The following FRS2 variants were observed in gnomAD, a reference collection of about 807,000 sequenced individuals.
FRS2 encodes FGFR signalling adaptor.
A neutral mutation model predicts 43.9 loss-of-function variants in FRS2; 8 were observed. That is an observed-to-expected ratio of 0.18 (90% confidence interval 0.11 to 0.33). FRS2 has a LOEUF of 0.33. FRS2 is among the 10% of genes least tolerant of loss of function. FRS2 has a pLI of 1.00. For synonymous variants in FRS2, 219 were observed against 220.3 expected, an observed-to-expected ratio of 0.99 and a Z score of 0.05; for missense variants, 534 against 627.6, an observed-to-expected ratio of 0.85 and a Z score of 1.59.
intron 3 of FRS2, among the ~76,000 whole-genome samples, chr12:69,546,926 A>G (rs1298798828): frequency 6.6e-6 from 1 of 152,222 alleles, no homozygotes; most frequent in Admixed American, 6.5e-5. Context: ...GTACACCCAT[A>G]TCTATTTGTA....
At chr12:69,495,446 T>G (rs1820560970) in intron 1 of FRS2, among the ~76,000 whole-genome samples, 1 of 152,210 alleles carries the variant, frequency 6.6e-6, no homozygotes, top group Admixed American at 6.5e-5. Flanking sequence ...CCATTGATTG[T>G]TTTCTCATGT....
chr12:69,531,397 A>G (rs1367534514), intron 2 of FRS2, among the ~76,000 whole-genome samples: 1 of 152,148 alleles, frequency 6.6e-6, no homozygotes, highest in African/African-American at 2.4e-5. Context: ...TGTAGTACAA[A>G]TTCTACCATA....
chr12:69,511,954 C>A (rs1295980508), intron 1 of FRS2, among the ~76,000 whole-genome samples: 3 of 152,208 alleles, frequency 2.0e-5, no homozygotes, highest in Non-Finnish European at 2.9e-5. Context: ...CAGTCAGTCT[C>A]AACCAGGGAT....
At chr12:69,557,625 C>CGCGT (rs1378732939) in intron 3 of FRS2, among the ~76,000 whole-genome samples, 27 of 104,566 alleles carry the variant, frequency 2.6e-4, no homozygotes, top group Middle Eastern at 4.4e-3. Flanking sequence ...TGTGTGCGCG[C>CGCGT]GCGCGCGCGC....
Position 69,488,445 on chromosome 12 carries a change from G to GT in FRS2, c.-261+17922dup, listed in dbSNP as rs35991894. Among the ~76,000 whole-genome samples the GT allele has an allele frequency of 2.6e-5, 4 of 152,204 alleles. No individual in the cohort carries two copies. In the South Asian group the frequency reaches 8.3e-4, roughly 32 times the overall value. ...AGTATTTTAAAATTAAGGTATGTGC[G>GT]TTTTTTTAAACGTAATGCTGTTGCA... On this transcript the variant is annotated intron_variant, in intron 1 of 8. Coordinates refer to ENST00000549921, the MANE Select transcript of FRS2 (RefSeq NM_001278356.2).
intron 3 of FRS2, among the ~76,000 whole-genome samples, chr12:69,552,432 A>G (rs533679844): frequency 2.5e-4 from 38 of 152,080 alleles, no homozygotes; most frequent in South Asian, 1.7e-3. Context: ...CTTTTTTGGT[A>G]GGTAGCCTCT....
At chr12:69,553,415 C>T (rs147878281) in intron 3 of FRS2, among the ~76,000 whole-genome samples, 210 of 152,252 alleles carry the variant, frequency 1.4e-3, no homozygotes, top group African/African-American at 2.9e-3. Context: ...ATGTCAGTTA[C>T]GCTGATTACA....
At chr12:69,480,125 C>T (rs533004262) in intron 1 of FRS2, among the ~76,000 whole-genome samples, 1 of 152,230 alleles carries the variant, frequency 6.6e-6, no homozygotes, top group East Asian at 1.9e-4. Context: ...TGGTTAAATA[C>T]ATATAACATA....
chr12:69,543,850 AGG>A (rs1878131252), intron 3 of FRS2, among the ~76,000 whole-genome samples: 1 of 152,186 alleles, frequency 6.6e-6, no homozygotes, highest in South Asian at 2.1e-4. Flanking sequence ...AAGAATTTTA[AGG>A]TACATGATCA....
chr12:69,542,154 A>G (rs1281739269), intron 3 of FRS2, among the ~76,000 whole-genome samples: 7 of 152,156 alleles, frequency 4.6e-5, no homozygotes, highest in African/African-American at 1.7e-4. Flanking sequence ...TTCTTTACTG[A>G]CAGACATACT....
At chr12:69,490,545 A>G (rs988906275) in intron 1 of FRS2, among the ~76,000 whole-genome samples, 1 of 148,450 alleles carries the variant, frequency 6.7e-6, no homozygotes, top group Non-Finnish European at 1.5e-5. Context: ...TAGGTTCTTT[A>G]CAAAATATTT....
intron 4 of FRS2, among the ~76,000 whole-genome samples, chr12:69,566,603 G>C (rs918946679): frequency 1.7e-5 from 2 of 118,510 alleles, no homozygotes; most frequent in East Asian, 2.5e-4. Flanking sequence ...GCGAAATTCC[G>C]TCTTGGGGGA....
chr12:69,524,817 C>T (rs1318010322), intron 1 of FRS2, among the ~76,000 whole-genome samples: 1 of 152,140 alleles, frequency 6.6e-6, no homozygotes, highest in African/African-American at 2.4e-5. Flanking sequence ...CTCAAGTGTC[C>T]ATGGTGGCAG....
intron 1 of FRS2, among the ~76,000 whole-genome samples, chr12:69,482,271 A>C (rs1203784204): frequency 2.6e-5 from 4 of 152,220 alleles, no homozygotes; most frequent in African/African-American, 9.6e-5. Flanking sequence ...TTGATACCAG[A>C]TCATTTCTTT....
At chr12:69,543,049 A>G (rs917080542) in intron 3 of FRS2, among the ~76,000 whole-genome samples, 41 of 152,236 alleles carry the variant, frequency 2.7e-4, no homozygotes, top group Non-Finnish European at 4.7e-4. Flanking sequence ...ATCAGGTACT[A>G]CCTCAGTCTT....
rs2135827752 is a variant in FRS2 at position 69,575,697 on chromosome 12, T to G, written c.*742T>G. 1 of 152,746 alleles carries G rather than the reference T, an allele frequency of 6.5e-6. No homozygotes were observed. Among genetic ancestry groups the G allele is most frequent in the East Asian group, 1.9e-4 (1 of 5,186 alleles). 9.5% of individuals were successfully genotyped at this position (152,746 alleles called of 1,614,324 possible). On this transcript the variant is annotated 3_prime_UTR_variant, in exon 9 of 9. Coordinates refer to ENST00000549921, the MANE Select transcript of FRS2 (RefSeq NM_001278356.2). ...CTCAGGTCACTTTACCCAAAAACATTTGAAAATCTGAACCACAATCTCCTG... is the reference window on the plus strand; with the variant it reads ...CTCAGGTCACTTTACCCAAAAACATGTGAAAATCTGAACCACAATCTCCTG...
intron 1 of FRS2, among the ~76,000 whole-genome samples, chr12:69,491,913 T>G (rs1565722177): frequency 1.3e-5 from 2 of 152,248 alleles, no homozygotes. Context: ...TACAATAGCA[T>G]TTTTGATAAA....
intron 1 of FRS2, among the ~76,000 whole-genome samples, chr12:69,503,631 G>A (rs1209224957): frequency 6.6e-6 from 1 of 152,118 alleles, no homozygotes; most frequent in East Asian, 1.9e-4. Flanking sequence ...TCTACGTGGT[G>A]GTAATGGAGA....
At chr12:69,527,889 A>G (rs977683565) in intron 1 of FRS2, among the ~76,000 whole-genome samples, 2 of 152,210 alleles carry the variant, frequency 1.3e-5, no homozygotes, top group South Asian at 2.1e-4. Flanking sequence ...TCATCATCCA[A>G]CTTTTGGAAC....
Sources: gnomAD v4.1 joint callset for allele counts (sites outside exome capture counted in the v4.1 genomes callset) on GRCh38, gnomAD v4.1.1 for gene constraint, MANE v1.5 for transcripts, NCBI Gene and HGNC (gene_info 2026-07-23, HGNC 2026-07-21) for gene names.